Variants in MACF1 observed in about 807,000 individuals in gnomAD.
The protein encoded by MACF1 is microtubule-actin cross-linking factor 1.
MACF1 carries 193 observed loss-of-function variants against 854.8 expected under a neutral mutation model. The observed-to-expected ratio is 0.23, with a 90% CI of 0.20 to 0.25. MACF1 has a LOEUF of 0.25. Among genes scored for constraint, MACF1 ranks in the 10% least tolerant of loss-of-function variants. The probability of loss-of-function intolerance (pLI) is 1.00; values close to 1 mark genes in which losing one functional copy is unlikely to be tolerated. For missense variants in MACF1, 7,722 were observed against 8,929.1 expected (o/e 0.86, Z 5.45); for synonymous variants, 3,185 against 3,226.7 (o/e 0.99, Z 0.44).
chr1:39,226,720 C>T (rs1004404802), intron 1 of MACF1, among the ~76,000 whole-genome samples: 13 of 152,070 alleles, frequency 8.5e-5, no homozygotes, highest in East Asian at 7.7e-4. Flanking sequence ...AAAAGGAAAC[C>T]GAATGAATTC....
At chr1:39,118,764 TAAGGGG>T (rs1470518475) in intron 2 of MACF1, among the ~76,000 whole-genome samples, 16 of 152,064 alleles carry the variant, frequency 1.1e-4, no homozygotes, top group African/African-American at 3.9e-4. Context: ...GGGGCAGTAT[TAAGGGG>T]GCTAATAAGC....
At chr1:39,478,439 C>T (rs947856363) in intron 97 of MACF1, among the ~76,000 whole-genome samples, 6 of 152,156 alleles carry the variant, frequency 3.9e-5, no homozygotes, top group African/African-American at 1.4e-4. Context: ...ACCTGATCGC[C>T]TCTGGTGAGC....
intron 6 of MACF1, among the ~76,000 whole-genome samples, chr1:39,277,200 T>G (rs2148371385): frequency 6.6e-6 from 1 of 150,802 alleles, no homozygotes; most frequent in East Asian, 1.9e-4. Context: ...TGGACTCTTG[T>G]GGTTTGAAAT....
chr1:39,131,629 A>T (rs2148171949), intron 2 of MACF1, among the ~76,000 whole-genome samples: 1 of 152,326 alleles, frequency 6.6e-6, no homozygotes, highest in South Asian at 2.1e-4. Flanking sequence ...AAGTGTCTAT[A>T]AATGTATGTT....
intron 58 of MACF1, among the ~76,000 whole-genome samples, chr1:39,392,627 G>A (rs1642078109): frequency 6.6e-6 from 1 of 152,158 alleles, no homozygotes; most frequent in African/African-American, 2.4e-5. Context: ...ATGGGAGCTA[G>A]AATAGACAGA....
rs764582636 is a variant in MACF1, at chr1:39,427,516, A to G, written c.16378A>G (p.Ile5460Val). ...AKQFHETAEP[I>V]SDFLSVTEKK... ...ACAGTTCCATGAGACAGCTGAGCCT[A>G]TTTCTGACTTCTTATCTGTCACAGA... Residue 5460 changes from isoleucine to valine, a missense_variant, in exon 62 of 101, where the codon ATT (isoleucine) becomes GTT (valine). By Grantham distance (29) the Ile-to-Val change is conservative. Coordinates refer to ENST00000564288, the MANE Select transcript of MACF1 (RefSeq NM_001394062.1). 68 of 1,614,126 alleles carry G rather than the reference A, an allele frequency of 4.2e-5. No homozygotes were observed. In the Middle Eastern group the frequency reaches 4.9e-4, roughly 12 times the overall value.
chr1:39,336,630 C>G lies in MACF1; in HGVS notation c.10042C>G (p.Pro3348Ala), dbSNP rs758612638. 7 of 1,611,022 alleles carry G rather than the reference C, an allele frequency of 4.3e-6. No individual in the cohort carries two copies. The African/African-American group carries it at 8.0e-5, about 19-fold the overall frequency. ...AGGAAAGGGAAATGGAGGTGTAAACCCAGAGCCCTTCAGAGCAACTCAGGT... is the reference window on the plus strand; with the variant it reads ...AGGAAAGGGAAATGGAGGTGTAAACGCAGAGCCCTTCAGAGCAACTCAGGT... ...PEGKGNGGVN[P>A]EPFRATQNVF... The change falls in exon 37 of 101, where the codon CCA (proline) becomes GCA (alanine). Residue 3348 changes from proline (P) to alanine (A), a missense_variant. Transcript: ENST00000564288.
In MACF1 at chr1:39,370,189, A is replaced by C. The variant is rs1475750203; in HGVS notation, c.13095+3A>C. 2.5e-6 allele frequency: 4 copies of C among 1,605,148 alleles called. No homozygotes were observed. The highest frequency in any genetic ancestry group is 3.4e-6 in the Non-Finnish European group (4 of 1,175,292). On this transcript the variant is annotated splice_donor_region_variant and intron_variant, in intron 51 of 100. Coordinates refer to ENST00000564288, the MANE Select transcript of MACF1 (RefSeq NM_001394062.1). ...AAAAGCAGATTGAACACCTGAAGGTAGGTGAACAAAGGGACTCCAAGAATT... is the reference window on the plus strand; with the variant it reads ...AAAAGCAGATTGAACACCTGAAGGTCGGTGAACAAAGGGACTCCAAGAATT...
intron 80 of MACF1, among the ~76,000 whole-genome samples, chr1:39,445,274 T>C (rs961724213): frequency 6.6e-6 from 1 of 152,216 alleles, no homozygotes; most frequent in East Asian, 1.9e-4. Context: ...ATATGACCTC[T>C]TCCCACTCAT....
At chr1:39,163,800 C>CT (rs1369236077) in intron 2 of MACF1, among the ~76,000 whole-genome samples, 1 of 151,974 alleles carries the variant, frequency 6.6e-6, no homozygotes, top group Non-Finnish European at 1.5e-5. Context: ...TAAGGGGGTG[C>CT]TTTTTTCCCC....
At chr1:39,337,960 G>A (rs926649379) in intron 38 of MACF1, among the ~76,000 whole-genome samples, 16 of 152,142 alleles carry the variant, frequency 1.1e-4, no homozygotes, top group Admixed American at 2.0e-4. Flanking sequence ...TAGTAGAGAC[G>A]GGGTTTCACC....
chr1:39,403,154 G>A (rs552281851), intron 58 of MACF1, among the ~76,000 whole-genome samples: 6 of 151,740 alleles, frequency 4.0e-5, no homozygotes, highest in Non-Finnish European at 8.8e-5. Context: ...CTGGAGTGCA[G>A]TGGGTGCGAT....
chr1:39,404,764 T>C (rs1321488581), intron 58 of MACF1, among the ~76,000 whole-genome samples: 1 of 152,162 alleles, frequency 6.6e-6, no homozygotes, highest in African/African-American at 2.4e-5. Context: ...GAATTACAGG[T>C]GTGAGCCATT....
At chr1:39,448,540 A>G (rs189130269) in intron 83 of MACF1, 54 bp from the exon 84 acceptor site, 1 of 1,398,056 alleles carries the variant, frequency 7.2e-7, no homozygotes, top group South Asian at 1.7e-5. Flanking sequence ...TTTGTTCCAA[A>G]TCAAGATGTC....
At chr1:39,415,426 C>A (rs1643256337) in intron 58 of MACF1, among the ~76,000 whole-genome samples, 1 of 151,024 alleles carries the variant, frequency 6.6e-6, no homozygotes, top group South Asian at 2.1e-4. Context: ...AGCTCCACCT[C>A]CCGGGTTCAC....
At chr1:39,447,643 GCCCCTTTATCTTAT>G (rs1644256211) in intron 81 of MACF1, 35 bp from the exon 82 acceptor site, 1 of 1,613,074 alleles carries the variant, frequency 6.2e-7, no homozygotes, top group African/African-American at 1.3e-5. Flanking sequence ...TGAAAGAAAT[GCCCCTTTATCTTAT>G]CTTAAGCTAA....
intron 2 of MACF1, among the ~76,000 whole-genome samples, chr1:39,167,449 G>A (rs1336103082): frequency 1.3e-5 from 2 of 151,714 alleles, no homozygotes; most frequent in South Asian, 2.1e-4. Flanking sequence ...GCTCATGCCT[G>A]TAATCCCAGC....
intron 56 of MACF1, among the ~76,000 whole-genome samples, chr1:39,383,645 AG>A (rs1650438729): frequency 1.3e-5 from 2 of 152,220 alleles, no homozygotes; most frequent in Admixed American, 6.5e-5. Flanking sequence ...TGGGAGGCCA[AG>A]GCAGGCAGAT....
At chr1:39,416,504 A>AAAC (rs927033762) in intron 58 of MACF1, among the ~76,000 whole-genome samples, 2 of 152,164 alleles carry the variant, frequency 1.3e-5, no homozygotes, top group East Asian at 3.8e-4. Flanking sequence ...AAAAAAAAAA[A>AAAC]AACAGAATAT....
Sources: gnomAD v4.1 joint callset for allele counts (sites outside exome capture counted in the v4.1 genomes callset) on GRCh38, gnomAD v4.1.1 for gene constraint, MANE v1.5 for transcripts, NCBI Gene and HGNC (gene_info 2026-07-23, HGNC 2026-07-21) for gene names.